Variants in ADGRL3 observed in about 807,000 individuals in gnomAD.
ADGRL3 encodes calcium-independent alpha-latrotoxin receptor 3.
A neutral mutation model predicts 153.5 loss-of-function variants in ADGRL3; 62 were observed. The ratio of observed to expected loss-of-function variants is 0.40; its 90% CI spans 0.33 to 0.50. The LOEUF (loss-of-function observed/expected upper bound fraction) is 0.50. Ranked by LOEUF, ADGRL3 falls within the 20% of genes least tolerant of loss-of-function variation. The pLI, the probability that ADGRL3 is intolerant of heterozygous loss-of-function variation, is 0.47. For missense variants in ADGRL3, 1,641 were observed against 1,859.4 expected (o/e 0.88, Z 2.16); for synonymous variants, 710 against 672.5 (o/e 1.06, Z -0.86).
intron 2 of ADGRL3, among the ~76,000 whole-genome samples, chr4:61,393,139 A>C (rs1442125273): frequency 6.6e-6 from 1 of 152,130 alleles, no homozygotes; most frequent in African/African-American, 2.4e-5. Context: ...TCCAATTAGC[A>C]AGAACAGCAC....
At chr4:61,800,744 C>T (rs571274709) in intron 8 of ADGRL3, among the ~76,000 whole-genome samples, 1 of 152,282 alleles carries the variant, frequency 6.6e-6, no homozygotes, top group South Asian at 2.1e-4. Flanking sequence ...CATTTAGAGC[C>T]TTCTCAGCAT....
chr4:61,219,879 G>A (rs558283184), intron 1 of ADGRL3, among the ~76,000 whole-genome samples: 2 of 152,144 alleles, frequency 1.3e-5, no homozygotes, highest in South Asian at 4.2e-4. Context: ...AGGCCAAGGC[G>A]GGCTGATCAC....
intron 1 of ADGRL3, among the ~76,000 whole-genome samples, chr4:61,261,569 TGTG>T (rs1195470934): frequency 6.6e-6 from 1 of 152,110 alleles, no homozygotes; most frequent in Non-Finnish European, 1.5e-5. Context: ...AGGGTGTGTG[TGTG>T]GTGGTGGTAG....
At chr4:61,243,634 C>CAT (rs1755863323) in intron 1 of ADGRL3, among the ~76,000 whole-genome samples, 1 of 151,842 alleles carries the variant, frequency 6.6e-6, no homozygotes, top group Non-Finnish European at 1.5e-5. Context: ...CTTTTTGGTT[C>CAT]TAATGTTGGC....
intron 1 of ADGRL3, among the ~76,000 whole-genome samples, chr4:61,338,031 G>A (rs2095717358): frequency 6.6e-6 from 1 of 152,104 alleles, no homozygotes. Context: ...TTGGGAGGCG[G>A]AGGCAGACGG....
At chr4:61,994,679 C>A (rs2099115657) in intron 19 of ADGRL3, among the ~76,000 whole-genome samples, 1 of 151,806 alleles carries the variant, frequency 6.6e-6, no homozygotes, top group African/African-American at 2.4e-5. Flanking sequence ...TGGCTAAAGC[C>A]CATTTTGTTC....
At chr4:61,456,397 C>CTATATATATAGATATAGA (rs1560664211) in intron 2 of ADGRL3, among the ~76,000 whole-genome samples, 1 of 90,134 alleles carries the variant, frequency 1.1e-5, no homozygotes, top group Non-Finnish European at 2.3e-5. Flanking sequence ...ATAGATATAT[C>CTATATATATAGATATAGA]TATATCTATA....
At chr4:61,346,273 C>A (rs949775931) in intron 1 of ADGRL3, among the ~76,000 whole-genome samples, 1 of 149,988 alleles carries the variant, frequency 6.7e-6, no homozygotes, top group African/African-American at 2.5e-5. Flanking sequence ...TCTCTCCCCC[C>A]ACGCTCTCTC....
intron 1 of ADGRL3, among the ~76,000 whole-genome samples, chr4:61,254,599 G>C (rs917693613): frequency 1.3e-5 from 2 of 152,028 alleles, no homozygotes; most frequent in African/African-American, 4.8e-5. Context: ...CCCTCCTCTT[G>C]GGGATTTCCA....
At chr4:62,042,308 G>A (rs1051632077) in intron 24 of ADGRL3, among the ~76,000 whole-genome samples, 6 of 151,982 alleles carry the variant, frequency 3.9e-5, no homozygotes, top group Non-Finnish European at 7.4e-5. Flanking sequence ...TATTATAGGA[G>A]ATGTTAGTGA....
intron 5 of ADGRL3, among the ~76,000 whole-genome samples, chr4:61,653,391 A>T (rs1482997200): frequency 6.6e-6 from 1 of 152,150 alleles, no homozygotes; most frequent in African/African-American, 2.4e-5. Flanking sequence ...GAACTGACTA[A>T]AATATATGCG....
chr4:61,571,929 C>T (rs1319025817), intron 4 of ADGRL3, among the ~76,000 whole-genome samples: 1 of 152,088 alleles, frequency 6.6e-6, no homozygotes, highest in Non-Finnish European at 1.5e-5. Context: ...GAGAATAAAG[C>T]CTCTTTCTTG....
At chr4:61,675,695 TGTA>T (rs2150885017) in intron 5 of ADGRL3, among the ~76,000 whole-genome samples, 2 of 143,284 alleles carry the variant, frequency 1.4e-5, no homozygotes, top group Admixed American at 1.4e-4. Context: ...ATAGTCAATG[TGTA>T]TATTCATGGG....
At chr4:61,809,513 A>G (rs886118814) in intron 8 of ADGRL3, among the ~76,000 whole-genome samples, 1 of 152,088 alleles carries the variant, frequency 6.6e-6, no homozygotes, top group Non-Finnish European at 1.5e-5. Flanking sequence ...ACCTCTTGTC[A>G]TCTCTTAAAC....
At chr4:61,474,318 A>T (rs1285937668) in intron 2 of ADGRL3, among the ~76,000 whole-genome samples, 2 of 152,140 alleles carry the variant, frequency 1.3e-5, no homozygotes, top group Non-Finnish European at 2.9e-5. Flanking sequence ...TCTGTGAATG[A>T]CAGTGAAAAA....
intron 3 of ADGRL3, among the ~76,000 whole-genome samples, chr4:61,511,520 G>A (rs1398827105): frequency 2.0e-5 from 3 of 152,092 alleles, no homozygotes; most frequent in African/African-American, 4.8e-5. Context: ...GAGATTATTT[G>A]ATTACTTCTT....
intron 9 of ADGRL3, among the ~76,000 whole-genome samples, chr4:61,886,985 T>A (rs1417159011): frequency 2.0e-5 from 3 of 151,990 alleles, no homozygotes; most frequent in Middle Eastern, 6.8e-3. Flanking sequence ...TCAGTGAGAC[T>A]ATAGACACCC....
intron 17 of ADGRL3, among the ~76,000 whole-genome samples, chr4:61,966,466 A>T (rs180776041): frequency 1.3e-5 from 2 of 152,296 alleles, no homozygotes. Context: ...AAATATACAT[A>T]TCTGGGTAAC....
intron 24 of ADGRL3, among the ~76,000 whole-genome samples, chr4:62,040,960 A>G (rs1171489244): frequency 6.6e-6 from 1 of 152,090 alleles, no homozygotes; most frequent in African/African-American, 2.4e-5. Flanking sequence ...AAGCCTTTAC[A>G]GTTTGGAGAA....
Sources: gnomAD v4.1 joint callset for allele counts (sites outside exome capture counted in the v4.1 genomes callset) on GRCh38, gnomAD v4.1.1 for gene constraint, MANE v1.5 for transcripts, NCBI Gene and HGNC (gene_info 2026-07-23, HGNC 2026-07-21) for gene names.